Variants in KCNQ2 observed in about 807,000 individuals in gnomAD.
KCNQ2 encodes the protein potassium voltage-gated channel subfamily Q member 2, also known as potassium voltage-gated channel subfamily KQT member 2.
A neutral mutation model predicts 84.8 loss-of-function variants in KCNQ2; 14 were observed. The ratio of observed to expected loss-of-function variants is 0.17; its 90% CI spans 0.11 to 0.26. The LOEUF (loss-of-function observed/expected upper bound fraction) is 0.26. Among genes scored for constraint, KCNQ2 ranks in the 10% least tolerant of loss-of-function variants. The pLI is 1.00. For synonymous variants in KCNQ2, 599 were observed against 554.1 expected, an observed-to-expected ratio of 1.08 and a Z score of -1.14; for missense variants, 788 against 1,254.0, an observed-to-expected ratio of 0.63 and a Z score of 5.61.
In KCNQ2 at chr20:63,408,290, A is replaced by C; in HGVS notation, c.1887+123T>G. On this transcript the variant is annotated intron_variant, in intron 16 of 16. Coordinates refer to ENST00000359125, the MANE Select transcript of KCNQ2 (RefSeq NM_172107.4). The surrounding 1 kb of genome is among the most constrained non-coding windows in gnomAD (Gnocchi z 5.0). ...AGCAGCTGTCAGTGGTGACAGGGCCATGTAAACCCTAGACTTGAGGAGCCC... is the reference window on the plus strand; with the variant it reads ...AGCAGCTGTCAGTGGTGACAGGGCCCTGTAAACCCTAGACTTGAGGAGCCC... 1 of 1,242,280 alleles carries C rather than the reference A, an allele frequency of 8.0e-7. No homozygotes were observed. The highest frequency in any genetic ancestry group is 1.1e-6 in the Non-Finnish European group (1 of 884,510). The allele number at this position is 1,242,280 out of a possible 1,614,324, so 77.0% of individuals were successfully genotyped here.
In KCNQ2 at chr20:63,406,603, C is replaced by G; in HGVS notation, c.*41G>C. On this transcript the variant is annotated 3_prime_UTR_variant, in exon 17 of 17. Transcript: ENST00000359125. ...GCCTCAAAACCTCGGAGGCACCGTGCTGAGGAGGGCCGCGGGCGGGTCCAC... is the reference window on the plus strand; with the variant it reads ...GCCTCAAAACCTCGGAGGCACCGTGGTGAGGAGGGCCGCGGGCGGGTCCAC... 1 of 1,556,094 alleles carries G rather than the reference C, an allele frequency of 6.4e-7. No homozygotes were observed. Among genetic ancestry groups the G allele is most frequent in the East Asian group, 2.3e-5 (1 of 43,456 alleles).
Position 63,446,791 on chromosome 20 carries a change from T to G in KCNQ2, c.343A>C (p.Ile115Leu), listed in dbSNP as rs752331818. Residue 115 changes from isoleucine to leucine, a missense_variant, in exon 2 of 17, where the codon ATC (isoleucine) becomes CTC (leucine). This residue lies in a region of KCNQ2 where 106 missense variants were observed against 214.8 expected (regional missense o/e 0.49). Transcript: ENST00000359125. This position sits in a 1 kb window ranked among gnomAD's most constrained non-coding sequence, Gnocchi z 5.5. ...SCLVLSVFST[I>L]KEYEKSSEGA... ...TCCGAGCTCTTCTCATACTCCTTGA[T>G]GGTGGAAAACACAGACAGCACGAGG... The G allele has an allele frequency of 2.5e-6, 4 of 1,613,458 alleles. No individual in the cohort carries two copies. Among genetic ancestry groups the G allele is most frequent in the Non-Finnish European group, 3.4e-6 (4 of 1,179,950 alleles).
chr20:63,442,911 T>C (rs200659601), intron 4 of KCNQ2, among the ~76,000 whole-genome samples: 56 of 3,932 alleles, frequency 0.014, no homozygotes, highest in Middle Eastern at 0.17. Flanking sequence ...ACCACCACCA[T>C]CACCATCACC....
chr20:63,424,097 C>T (rs1234007996), intron 11 of KCNQ2, 80 bp downstream of exon 11: 1 of 1,469,372 alleles, frequency 6.8e-7, no homozygotes, highest in East Asian at 2.5e-5. Flanking sequence ...ATCTCCATGA[C>T]AGGTTGCGCA....
chr20:63,456,832 C>T (rs2081813102), intron 1 of KCNQ2, among the ~76,000 whole-genome samples: 1 of 152,206 alleles, frequency 6.6e-6, no homozygotes, highest in African/African-American at 2.4e-5. Context: ...GGCAGAAATT[C>T]CCTGTCCAGA....
chr20:63,420,376 C>T lies in KCNQ2; in HGVS notation c.1248-704G>A, dbSNP rs187354121. On this transcript the variant is annotated intron_variant, in intron 11 of 16. Coordinates refer to ENST00000359125, the MANE Select transcript of KCNQ2 (RefSeq NM_172107.4). Reference sequence around the variant, plus strand: ...CTCCCCAAAAACCCTGGCGATTTAGCTCTGCATCACAATGTGCAAATGATT... The same window carrying T: ...CTCCCCAAAAACCCTGGCGATTTAGTTCTGCATCACAATGTGCAAATGATT... Among the ~76,000 whole-genome samples, 857 of 152,356 alleles carry T rather than the reference C, an allele frequency of 5.6e-3. 6 individuals are homozygous for T. The highest frequency in any genetic ancestry group is 0.019 in the African/African-American group (796 of 41,578).
intron 4 of KCNQ2, among the ~76,000 whole-genome samples, chr20:63,443,188 C>A (rs540977220): frequency 1.7e-4 from 16 of 93,318 alleles, no homozygotes; most frequent in Non-Finnish European, 2.8e-4. Flanking sequence ...ATCACCATCA[C>A]CACCACCACC....
rs1159483552 is a variant in KCNQ2, at chr20:63,407,072, A to C, written c.2191T>G (p.Ser731Ala). ...QSHPRQGHGTSPVGDHGSLVR... is the reference protein window; with the variant it reads ...QSHPRQGHGTAPVGDHGSLVR... ...AGGGAGCCGTGGTCCCCCACGGGGG[A>C]GGTGCCGTGGCCCTGGCGCGGGTGG... Residue 731 changes from serine to alanine, a missense_variant, in exon 17 of 17, where the codon TCC becomes GCC. Ser to Ala is a moderately conservative substitution (Grantham distance 99). Transcript: ENST00000359125. This position sits in a 1 kb window ranked among gnomAD's most constrained non-coding sequence, Gnocchi z 7.2. 1 of 1,525,772 alleles carries C rather than the reference A, an allele frequency of 6.6e-7. No homozygotes were observed. Among genetic ancestry groups the C allele is most frequent in the African/African-American group, 1.4e-5 (1 of 72,858 alleles). 94.5% of individuals were successfully genotyped at this position (1,525,772 alleles called of 1,614,324 possible).
chr20:63,465,869 G>A (rs748411719), intron 1 of KCNQ2, among the ~76,000 whole-genome samples: 2 of 152,300 alleles, frequency 1.3e-5, no homozygotes, highest in South Asian at 2.1e-4. Context: ...GTTTCCGCTC[G>A]ACGCTCCGTG....
Position 63,400,915 on chromosome 20 carries a change from G to A in KCNQ2, c.*5729C>T. On this transcript the variant is annotated 3_prime_UTR_variant, in exon 17 of 17. Coordinates refer to ENST00000359125, the MANE Select transcript of KCNQ2 (RefSeq NM_172107.4). The surrounding 1 kb of genome is among the most constrained non-coding windows in gnomAD (Gnocchi z 8.7). ...CGTACCTGGCACAGCCAGGGGGCAT[G>A]GGGCGACCTCAGGGAGTTCCTGTCC... The A allele has an allele frequency of 2.5e-6, 1 of 398,250 alleles. No individual in the cohort carries two copies. The highest frequency in any genetic ancestry group is 4.4e-5 in the Admixed American group (1 of 22,732). 24.7% of individuals were successfully genotyped at this position (398,250 alleles called of 1,614,324 possible). A position where few individuals can be genotyped will look rare whatever the true frequency, so the allele number is the denominator to read the frequency against.
At chr20:63,469,805 C>G (rs2082166217) in intron 1 of KCNQ2, among the ~76,000 whole-genome samples, 1 of 152,244 alleles carries the variant, frequency 6.6e-6, no homozygotes, top group Non-Finnish European at 1.5e-5. Context: ...CCAGTCCATG[C>G]CGGGCCAGAG....
rs917303874 is a variant in KCNQ2 at position 63,414,023 on chromosome 20, G to A, written c.1631+65C>T. ...CCAGCACCATGAGCACCGGCAGCAG[G>A]CAGGACCACCGAGCGGGAGGCCCCT... On this transcript the variant is annotated intron_variant, in intron 14 of 16. Transcript: ENST00000359125. The surrounding 1 kb of genome is among the most constrained non-coding windows in gnomAD (Gnocchi z 6.6). The A allele has an allele frequency of 3.3e-6, 4 of 1,217,706 alleles. No individual in the cohort carries two copies. The highest frequency in any genetic ancestry group is 4.0e-4 in the Middle Eastern group (2 of 5,034). 75.4% of individuals were successfully genotyped at this position (1,217,706 alleles called of 1,614,324 possible). A position where few individuals can be genotyped will look rare whatever the true frequency, so the allele number is the denominator to read the frequency against.
At chr20:63,424,103 G>A in intron 11 of KCNQ2, 74 bp downstream of exon 11, 1 of 1,481,894 alleles carries the variant, frequency 6.7e-7, no homozygotes, top group Non-Finnish European at 9.2e-7. Context: ...ATGACAGGTT[G>A]CGCACACGTG....
Position 63,463,451 on chromosome 20 carries a change from A to C in KCNQ2, c.296+8717T>G, listed in dbSNP as rs558306470. On this transcript the variant is annotated intron_variant, in intron 1 of 16. Coordinates refer to ENST00000359125, the MANE Select transcript of KCNQ2 (RefSeq NM_172107.4). The stretch of plus-strand genomic sequence containing the variant: ...GTGCTGCTGCCCTTCCCCAGGGCTC[A>C]GCCTCCATGACAAACTTTAAAGTCC... Among the ~76,000 whole-genome samples the C allele has an allele frequency of 1.6e-4, 24 of 152,170 alleles. No individual in the cohort carries two copies. In the East Asian group the frequency reaches 4.1e-3, roughly 26 times the overall value.
intron 8 of KCNQ2, 92 bp from the exon 9 acceptor site, chr20:63,431,461 G>A (rs1057152677): frequency 2.2e-6 from 3 of 1,371,130 alleles, no homozygotes; most frequent in Non-Finnish European, 3.1e-6. Flanking sequence ...AATAGTTGAG[G>A]AAAGTAGGGG....
rs1186081981 is a variant in KCNQ2 at position 63,445,783 on chromosome 20, A to G, written c.388-419T>C. 1.0e-3 allele frequency among the ~76,000 whole-genome samples: 102 copies of G among 100,552 alleles called. 1 individual carries two copies. The highest frequency in any genetic ancestry group is 1.3e-3 in the South Asian group (4 of 3,038). The allele number at this position is 100,552 out of a possible 152,430, so 66.0% of individuals were successfully genotyped here. On this transcript the variant is annotated intron_variant, in intron 2 of 16. Coordinates refer to ENST00000359125, the MANE Select transcript of KCNQ2 (RefSeq NM_172107.4). Reference sequence around the variant, plus strand: ...TGGGGGACCCTGTCTGAGCTGGGGGACCCTGTCTGAGCTGGGAGGCCCTGT... The same window carrying G: ...TGGGGGACCCTGTCTGAGCTGGGGGGCCCTGTCTGAGCTGGGAGGCCCTGT...
chr20:63,408,982 C>A lies in KCNQ2; in HGVS notation c.1764-446G>T, dbSNP rs2080031109. Among the ~76,000 whole-genome samples the A allele has an allele frequency of 2.6e-5, 4 of 152,220 alleles. No homozygotes were observed. ...AGGATGCCCCTCCCCCTACCCGTGC[C>A]CACCCCGGAGCTTTACTCCTACGTA... On this transcript the variant is annotated intron_variant, in intron 15 of 16. Coordinates refer to ENST00000359125, the MANE Select transcript of KCNQ2 (RefSeq NM_172107.4). This position sits in a 1 kb window ranked among gnomAD's most constrained non-coding sequence, Gnocchi z 5.0.
At chr20:63,427,899 G>A (rs938677506) in intron 10 of KCNQ2, among the ~76,000 whole-genome samples, 6 of 152,272 alleles carry the variant, frequency 3.9e-5, no homozygotes, top group Admixed American at 2.6e-4. Flanking sequence ...AGGCCTGGCA[G>A]GTGCATTCGC....
rs369209648 is a variant in KCNQ2, at chr20:63,425,068, G to A, written c.1218-862C>T. 1.0e-3 allele frequency among the ~76,000 whole-genome samples: 157 copies of A among 151,998 alleles called. 1 individual carries two copies. The highest frequency in any genetic ancestry group is 3.5e-3 in the African/African-American group (144 of 41,434). ...CCTTGGCTTGTGGCTGCACCGCCCCGTCTCTGCCTCCGTCTCTACACGACA... is the reference window on the plus strand; with the variant it reads ...CCTTGGCTTGTGGCTGCACCGCCCCATCTCTGCCTCCGTCTCTACACGACA... On this transcript the variant is annotated intron_variant, in intron 10 of 16. Coordinates refer to ENST00000359125, the MANE Select transcript of KCNQ2 (RefSeq NM_172107.4). The surrounding 1 kb of genome is among the most constrained non-coding windows in gnomAD (Gnocchi z 5.5).
Sources: allele counts gnomAD v4.1 joint callset (sites outside exome capture counted in the v4.1 genomes callset), GRCh38; gene constraint gnomAD v4.1.1; regional missense constraint gnomAD v4.1.1; non-coding constraint Gnocchi (gnomAD v3.1); transcripts MANE v1.5; gene names NCBI Gene and HGNC (gene_info 2026-07-23, HGNC 2026-07-21).